BMERB1: variants seen among roughly 807,000 people sequenced by gnomAD.
BMERB1 encodes the protein bMERB domain-containing protein 1.
In BMERB1, 12 loss-of-function variants were observed where a neutral mutation model predicts 23.6. The ratio of observed to expected loss-of-function variants is 0.51; its 90% CI spans 0.33 to 0.82. BMERB1 has a LOEUF of 0.82. Among genes scored for constraint, BMERB1 ranks in the 40% least tolerant of loss-of-function variants. The pLI is 0.03. For synonymous variants in BMERB1, 122 were observed against 96.6 expected (o/e 1.26, Z -1.54); for missense variants, 247 against 255.4 (o/e 0.97, Z 0.22).
chr16:15,502,246 C>G, intron 1 of BMERB1: 3 of 1,524,482 alleles, frequency 2.0e-6, no homozygotes, highest in Non-Finnish European at 2.7e-6. Flanking sequence ...AAAAAATGTG[C>G]TTGAGGTGCC....
At chr16:15,532,869 A>G (rs966516430) in intron 2 of BMERB1, 1 of 393,018 alleles carries the variant, frequency 2.5e-6, no homozygotes, top group Non-Finnish European at 5.1e-6. Flanking sequence ...TCATTACTAG[A>G]TATCCTGGTC....
chr16:15,540,541 TAGAG>T (rs935659586), intron 2 of BMERB1, among the ~76,000 whole-genome samples: 1 of 151,852 alleles, frequency 6.6e-6, no homozygotes, highest in Middle Eastern at 3.2e-3. Flanking sequence ...ATAATAATAA[TAGAG>T]AGGGCTTGAG....
intron 2 of BMERB1, among the ~76,000 whole-genome samples, chr16:15,522,689 A>G (rs1019464315): frequency 1.3e-5 from 2 of 152,094 alleles, no homozygotes; most frequent in African/African-American, 4.8e-5. Context: ...GAAATGGGAA[A>G]AGTTCCCTTG....
chr16:15,584,386 G>A (rs2031089389), intron 5 of BMERB1, among the ~76,000 whole-genome samples: 2 of 152,030 alleles, frequency 1.3e-5, no homozygotes, highest in South Asian at 2.1e-4. Context: ...GTGAAGCCCC[G>A]TCTCTACTAA....
At chr16:15,550,644 C>A (rs1169851334) in intron 2 of BMERB1, among the ~76,000 whole-genome samples, 1 of 152,002 alleles carries the variant, frequency 6.6e-6, no homozygotes, top group African/African-American at 2.4e-5. Flanking sequence ...GGCCTGAAAG[C>A]ATTTTAGAAG....
At chr16:15,438,923 A>G (rs1016490150) in intron 1 of BMERB1, among the ~76,000 whole-genome samples, 1 of 152,210 alleles carries the variant, frequency 6.6e-6, no homozygotes, top group African/African-American at 2.4e-5. Flanking sequence ...TGGCATGACA[A>G]TTGCCAAGCC....
At chr16:15,570,742 A>G (rs759342981) in intron 3 of BMERB1, among the ~76,000 whole-genome samples, 1 of 150,850 alleles carries the variant, frequency 6.6e-6, no homozygotes, top group Non-Finnish European at 1.5e-5. Flanking sequence ...ACTTATAGCT[A>G]TTTCTTGATT....
At chr16:15,515,165 A>G (rs557787742) in intron 1 of BMERB1, 140 bp from the exon 2 acceptor site, 3 of 1,110,978 alleles carry the variant, frequency 2.7e-6, no homozygotes, top group African/African-American at 3.2e-5. Context: ...TCACGAATAC[A>G]CATTTGTGGC....
At chr16:15,519,106 C>CAT (rs1567481445) in intron 2 of BMERB1, among the ~76,000 whole-genome samples, 1 of 147,904 alleles carries the variant, frequency 6.8e-6, no homozygotes. Flanking sequence ...CACACACACA[C>CAT]ACGTGAGACA....
intron 2 of BMERB1, among the ~76,000 whole-genome samples, chr16:15,558,938 G>C (rs781711933): frequency 6.6e-6 from 1 of 151,210 alleles, no homozygotes; most frequent in African/African-American, 2.4e-5. Context: ...CTGCCCAAGC[G>C]GAGTTTCTCT....
At chr16:15,504,720 C>T (rs1420022201) in intron 1 of BMERB1, among the ~76,000 whole-genome samples, 3 of 151,522 alleles carry the variant, frequency 2.0e-5, no homozygotes, top group South Asian at 2.1e-4. Flanking sequence ...TCCAAAGCTC[C>T]GGGATTACAG....
chr16:15,434,821 G>A (rs2050873011), intron 1 of BMERB1, 62 bp downstream of exon 1: 1 of 1,410,060 alleles, frequency 7.1e-7, no homozygotes, highest in Non-Finnish European at 9.5e-7. Context: ...GCCTGCGCGG[G>A]TGGTCGCGGG....
At chr16:15,504,730 G>T (rs2051567119) in intron 1 of BMERB1, among the ~76,000 whole-genome samples, 1 of 151,446 alleles carries the variant, frequency 6.6e-6, no homozygotes, top group African/African-American at 2.4e-5. Context: ...CGGGATTACA[G>T]ACATGAGCCA....
At chr16:15,473,287 CTTTT>C (rs549143781) in intron 1 of BMERB1, among the ~76,000 whole-genome samples, 2 of 137,580 alleles carry the variant, frequency 1.5e-5, no homozygotes, top group Non-Finnish European at 3.2e-5. Context: ...TTCCTTTAGC[CTTTT>C]TTTTTTTTTT....
intron 5 of BMERB1, among the ~76,000 whole-genome samples, chr16:15,585,272 G>GGA (rs1170553353): frequency 6.6e-6 from 1 of 152,146 alleles, no homozygotes; most frequent in African/African-American, 2.4e-5. Context: ...CTTCTCTATT[G>GGA]GATTATGGGT....
At chr16:15,542,233 T>C (rs2052093000) in intron 2 of BMERB1, among the ~76,000 whole-genome samples, 1 of 151,874 alleles carries the variant, frequency 6.6e-6, no homozygotes, top group Non-Finnish European at 1.5e-5. Context: ...CCAGCTAATT[T>C]TTGTATTTTT....
At chr16:15,461,059 A>T (rs766071991) in intron 1 of BMERB1, among the ~76,000 whole-genome samples, 46 of 150,210 alleles carry the variant, frequency 3.1e-4, no homozygotes, top group Non-Finnish European at 5.5e-4. Flanking sequence ...CAGGAGGCAG[A>T]GGTTGCAGTG....
chr16:15,474,540 T>A (rs1283793036), intron 1 of BMERB1, among the ~76,000 whole-genome samples: 1 of 151,906 alleles, frequency 6.6e-6, no homozygotes, highest in African/African-American at 2.4e-5. Context: ...CTGCTAAATT[T>A]TTTTGTGTGT....
At chr16:15,507,359 T>C (rs1312189208) in intron 1 of BMERB1, among the ~76,000 whole-genome samples, 3 of 152,146 alleles carry the variant, frequency 2.0e-5, no homozygotes, top group African/African-American at 4.8e-5. Flanking sequence ...AGCTCTTGTT[T>C]GCTGGTGCCA....
Sources: gnomAD v4.1 joint callset for allele counts (sites outside exome capture counted in the v4.1 genomes callset) on GRCh38, gnomAD v4.1.1 for gene constraint, MANE v1.5 for transcripts, NCBI Gene and HGNC (gene_info 2026-07-23, HGNC 2026-07-21) for gene names.